FOCAD: variants seen among roughly 807,000 people sequenced by gnomAD.
FOCAD encodes KIAA1797.
In FOCAD, 198 loss-of-function variants were observed where a neutral mutation model predicts 225.6. The observed-to-expected ratio is 0.88, with a 90% CI of 0.78 to 0.99. FOCAD has a LOEUF of 0.99. FOCAD is among the 50% of genes least tolerant of loss of function. FOCAD has a pLI of 0.00. For synonymous variants in FOCAD, 897 were observed against 755.0 expected (o/e 1.19, Z -3.08); for missense variants, 2,713 against 2,123.6 (o/e 1.28, Z -5.46).
chr9:20,671,456 GGAATGCAGGAGGATTT>G (rs199989549), intron 2 of FOCAD, among the ~76,000 whole-genome samples: 2,528 of 152,172 alleles, frequency 0.017, 34 homozygotes, highest in Non-Finnish European at 0.024. Context: ...TTCTCTAAGT[GGAATGCAGGAGGATTT>G]GAGCAGCCAG....
At chr9:20,959,951 G>T (rs73426760) in intron 35 of FOCAD, among the ~76,000 whole-genome samples, 1 of 152,074 alleles carries the variant, frequency 6.6e-6, no homozygotes, top group Non-Finnish European at 1.5e-5. Flanking sequence ...GTTGTAAAAT[G>T]CATAGAAAAG....
intron 18 of FOCAD, among the ~76,000 whole-genome samples, chr9:20,870,648 C>T (rs1479789636): frequency 6.6e-6 from 1 of 152,156 alleles, no homozygotes; most frequent in Non-Finnish European, 1.5e-5. Flanking sequence ...GATCGCAGCT[C>T]CCAATCACAC....
At chr9:20,778,894 T>G (rs1307414208) in intron 9 of FOCAD, 126 bp downstream of exon 9, 1 of 510,192 alleles carries the variant, frequency 2.0e-6, no homozygotes, top group Admixed American at 3.4e-5. Context: ...TTAAAATTAT[T>G]AAATAGAATT....
At chr9:20,952,193 T>C (rs1837744497) in intron 34 of FOCAD, among the ~76,000 whole-genome samples, 1 of 152,218 alleles carries the variant, frequency 6.6e-6, no homozygotes, top group Admixed American at 6.5e-5. Flanking sequence ...TGTAGGCTTT[T>C]AATTGCCATA....
At chr9:20,873,433 G>A (rs1252159143) in intron 18 of FOCAD, among the ~76,000 whole-genome samples, 2 of 152,120 alleles carry the variant, frequency 1.3e-5, no homozygotes, top group South Asian at 2.1e-4. Context: ...AAAGGTTTGC[G>A]AACATGCCAG....
At position 20,888,340 on chromosome 9, in the gene FOCAD, T is replaced by C. The variant is rs191345779; in HGVS notation, c.2625+3110T>C. ...TTTTAGTAGAGACGGGGTTTCACCA[T>C]GTTGGTCAGGCTGGTCTCAAACTCC... is the stretch of plus-strand genomic sequence containing the variant. On this transcript the variant is annotated intron_variant, in intron 21 of 43. Transcript: ENST00000338382. Among the ~76,000 whole-genome samples the C allele has an allele frequency of 4.8e-3, 730 of 152,096 alleles. 6 individuals are homozygous for C. The highest frequency in any genetic ancestry group is 0.017 in the Middle Eastern group (5 of 294).
chr9:20,938,552 C>T (rs187137045), intron 28 of FOCAD, among the ~76,000 whole-genome samples: 19 of 144,400 alleles, frequency 1.3e-4, no homozygotes, highest in African/African-American at 3.9e-4. Context: ...ACACAGGAAG[C>T]GGAACATCAC....
At chr9:20,655,859 T>C (rs537436580), upstream of FOCAD, among the ~76,000 whole-genome samples, 5 of 152,204 alleles carry the variant, frequency 3.3e-5, no homozygotes, top group African/African-American at 1.2e-4. Context: ...GTTCTTTTAA[T>C]TGTGATGTTA....
chr9:20,885,096 A>AT lies in FOCAD; in HGVS notation c.2504-5dup, dbSNP rs774132042. 3.8e-5 allele frequency: 52 copies of AT among 1,380,744 alleles called. No homozygotes were observed. Among genetic ancestry groups the AT allele is most frequent in the East Asian group, 8.0e-5 (3 of 37,312 alleles). 85.5% of individuals were successfully genotyped at this position (1,380,744 alleles called of 1,614,324 possible). Reference sequence around the variant, plus strand: ...ATAAAAATAAAATAAAGTCTATATAATTTTTTTTAAAGGTGGTATGTTATT... The same window carrying AT: ...ATAAAAATAAAATAAAGTCTATATAATTTTTTTTTAAAGGTGGTATGTTATT... On this transcript the variant is annotated splice_polypyrimidine_tract_variant and intron_variant, in intron 20 of 43. Coordinates refer to ENST00000338382, the MANE Select transcript of FOCAD (RefSeq NM_001375567.1).
At chr9:20,920,473 A>C (rs1407478852) in intron 24 of FOCAD, among the ~76,000 whole-genome samples, 1 of 126,806 alleles carries the variant, frequency 7.9e-6, no homozygotes, top group Admixed American at 8.5e-5. Flanking sequence ...GTATATACCC[A>C]AAGGACTATA....
intron 11 of FOCAD, among the ~76,000 whole-genome samples, chr9:20,795,528 G>A (rs920693725): frequency 6.6e-6 from 1 of 151,654 alleles, no homozygotes; most frequent in Non-Finnish European, 1.5e-5. Flanking sequence ...GCTCATGCCT[G>A]TAATCCCAGC....
intron 21 of FOCAD, among the ~76,000 whole-genome samples, chr9:20,894,712 G>A (rs72703967): frequency 0.13 from 19,772 of 151,806 alleles, 1,604 homozygotes; most frequent in East Asian, 0.18. Flanking sequence ...GACTTTTTTC[G>A]TATATTTTGG....
At chr9:20,734,351 C>T (rs1046643057) in intron 4 of FOCAD, among the ~76,000 whole-genome samples, 2 of 152,098 alleles carry the variant, frequency 1.3e-5, no homozygotes, top group Non-Finnish European at 2.9e-5. Context: ...ACCAACTAAC[C>T]CCAGTGACAT....
chr9:20,761,414 G>A (rs1288332301), intron 6 of FOCAD, among the ~76,000 whole-genome samples: 1 of 151,664 alleles, frequency 6.6e-6, no homozygotes, highest in Non-Finnish European at 1.5e-5. Flanking sequence ...TAAAGCCTCC[G>A]TTATTTTTAT....
At chr9:20,689,950 C>G (rs562251859) in intron 1 of FOCAD, among the ~76,000 whole-genome samples, 1 of 152,172 alleles carries the variant, frequency 6.6e-6, no homozygotes, top group Non-Finnish European at 1.5e-5. Context: ...GGCCTATTTG[C>G]TTTGATGTAC....
At chr9:20,833,319 A>T (rs1262685396) in intron 15 of FOCAD, among the ~76,000 whole-genome samples, 1 of 152,088 alleles carries the variant, frequency 6.6e-6, no homozygotes, top group East Asian at 1.9e-4. Context: ...AATGTTTATT[A>T]TAATAAGGAT....
intron 19 of FOCAD, among the ~76,000 whole-genome samples, chr9:20,879,987 C>A (rs1398609277): frequency 6.6e-6 from 1 of 152,162 alleles, no homozygotes; most frequent in Non-Finnish European, 1.5e-5. Context: ...TGCCTCTACC[C>A]TCACAAACAG....
intron 35 of FOCAD, among the ~76,000 whole-genome samples, chr9:20,965,354 A>C (rs192261914): frequency 6.6e-6 from 1 of 152,326 alleles, no homozygotes; most frequent in Admixed American, 6.5e-5. Context: ...TTGGTTTCAC[A>C]GAAATCCAAA....
At chr9:20,768,720 A>T (rs552257956) in intron 7 of FOCAD, among the ~76,000 whole-genome samples, 1 of 152,292 alleles carries the variant, frequency 6.6e-6, no homozygotes, top group Non-Finnish European at 1.5e-5. Context: ...ATCATGAAAG[A>T]ATGGTCAGTG....
Sources: allele counts gnomAD v4.1 joint callset (sites outside exome capture counted in the v4.1 genomes callset), GRCh38; gene constraint gnomAD v4.1.1; transcripts MANE v1.5; gene names NCBI Gene and HGNC (gene_info 2026-07-23, HGNC 2026-07-21).